Variants in PLD1 observed in about 807,000 individuals in gnomAD.
PLD1 encodes the protein choline phosphatase 1.
PLD1 carries 112 observed loss-of-function variants against 137.1 expected under a neutral mutation model. The observed-to-expected ratio is 0.82, with a 90% CI of 0.70 to 0.96. The LOEUF (loss-of-function observed/expected upper bound fraction) is 0.96. PLD1 is among the 40% of genes least tolerant of loss of function. PLD1 has a pLI of 0.00. For missense variants in PLD1, 1,321 were observed against 1,342.0 expected (o/e 0.98, Z 0.24); for synonymous variants, 431 against 454.7 (o/e 0.95, Z 0.66).
chr3:171,674,789 C>T (rs548058712), intron 18 of PLD1, among the ~76,000 whole-genome samples, 176 bp from the exon 19 acceptor site: 1 of 151,862 alleles, frequency 6.6e-6, no homozygotes, highest in South Asian at 2.1e-4. Flanking sequence ...ATCAGCCTGG[C>T]CAACACGGTG....
At chr3:171,623,138 C>T (rs73038051) in intron 23 of PLD1, among the ~76,000 whole-genome samples, 5,427 of 151,952 alleles carry the variant, frequency 0.036, 227 homozygotes, top group African/African-American at 0.1. Context: ...AATGTGATCT[C>T]ATTACATTAC....
chr3:171,634,557 T>C (rs1211237749), intron 23 of PLD1, among the ~76,000 whole-genome samples: 1 of 152,218 alleles, frequency 6.6e-6, no homozygotes, highest in Non-Finnish European at 1.5e-5. Context: ...TATTCATTAT[T>C]GGTGATGTAC....
Position 171,692,387 on chromosome 3 carries a change from C to G in PLD1, c.1283G>C (p.Gly428Ala). 6.2e-7 allele frequency: 1 copy of G among 1,606,988 alleles called. No homozygotes were observed. The highest frequency in any genetic ancestry group is 2.2e-5 in the East Asian group (1 of 44,846). Residue 428 changes from glycine to alanine, a missense_variant, in exon 13 of 27, where the codon GGC becomes GCC. Physicochemically the swap from Gly to Ala is moderately conservative, Grantham distance 60. Coordinates refer to ENST00000351298, the MANE Select transcript of PLD1 (RefSeq NM_002662.5). ...CCTCTTGGTGTATTCACTATTGATG[C>G]CAAGAGCGAGTTCCACCTCTTTGTA... ...MLYKEVELAL[G>A]INSEYTKRTL...
chr3:171,688,768 C>T lies in PLD1; in HGVS notation c.1447G>A (p.Ala483Thr), dbSNP rs1714828958. The T allele has an allele frequency of 6.2e-7, 1 of 1,613,978 alleles. No homozygotes were observed. The stretch of plus-strand genomic sequence containing the variant: ...TCATTGTCGTCCCACCTTCCATAGG[C>T]CAGGTCAATCCCTCCCACAAAGGCC... ...SVAFVGGIDL[A>T]YGRWDDNEHR... is the part of the protein sequence containing the mutation. The change falls in exon 14 of 27, where the codon GCC becomes ACC. Residue 483 changes from alanine (A) to threonine (T), a missense_variant. Physicochemically the swap from Ala to Thr is moderately conservative, Grantham distance 58. Transcript: ENST00000351298.
chr3:171,651,168 C>T (rs925967323), intron 21 of PLD1, among the ~76,000 whole-genome samples: 3 of 152,138 alleles, frequency 2.0e-5, no homozygotes, highest in African/African-American at 4.8e-5. Flanking sequence ...TGATATGCTT[C>T]GCTAGTGACA....
chr3:171,686,947 G>T, intron 15 of PLD1, 149 bp from the exon 16 acceptor site: 1 of 522,108 alleles, frequency 1.9e-6, no homozygotes, highest in Non-Finnish European at 3.4e-6. Flanking sequence ...CTTTAAGATG[G>T]ATTTCAAAGG....
At chr3:171,795,517 G>A (rs1363819524) in intron 1 of PLD1, among the ~76,000 whole-genome samples, 2 of 152,022 alleles carry the variant, frequency 1.3e-5, no homozygotes, top group Non-Finnish European at 2.9e-5. Flanking sequence ...CTGCTCCCTG[G>A]ATGCCATTCC....
chr3:171,793,405 T>C (rs1424467677), intron 1 of PLD1: 1 of 152,220 alleles, frequency 6.6e-6, no homozygotes, highest in Non-Finnish European at 1.5e-5. Flanking sequence ...AAGTTCTCCA[T>C]TTATCACTTC....
chr3:171,744,525 T>C lies in PLD1; in HGVS notation c.-31-6443A>G, dbSNP rs576416872. Among the ~76,000 whole-genome samples, 4 of 152,266 alleles carry C rather than the reference T, an allele frequency of 2.6e-5. No homozygotes were observed. In the Middle Eastern group the frequency reaches 0.014, roughly 518 times the overall value. ...AATCTTCCACTTACTTATCCTTCTCTCCTGGTTTTATATCACACCCTCCAC... is the reference window on the plus strand; with the variant it reads ...AATCTTCCACTTACTTATCCTTCTCCCCTGGTTTTATATCACACCCTCCAC... On this transcript the variant is annotated intron_variant, in intron 1 of 26. Coordinates refer to ENST00000351298, the MANE Select transcript of PLD1 (RefSeq NM_002662.5).
At chr3:171,752,002 CAAAA>C (rs201612180) in intron 1 of PLD1, among the ~76,000 whole-genome samples, 1 of 78,256 alleles carries the variant, frequency 1.3e-5, no homozygotes, top group Non-Finnish European at 2.7e-5. Context: ...GACTCCGTCT[CAAAA>C]AAAAAAAAAA....
intron 22 of PLD1, 21 bp downstream of exon 22, chr3:171,644,889 G>A: frequency 7.0e-7 from 1 of 1,433,834 alleles, no homozygotes; most frequent in Non-Finnish European, 9.8e-7. Flanking sequence ...GCTCAAAATA[G>A]ACCATTTAGA....
intron 1 of PLD1, among the ~76,000 whole-genome samples, chr3:171,765,732 T>C (rs1252737636): frequency 6.6e-6 from 1 of 152,208 alleles, no homozygotes; most frequent in African/African-American, 2.4e-5. Flanking sequence ...GTCTTCAGCA[T>C]TCCAGTCAAA....
intron 25 of PLD1, 23 bp from the exon 26 acceptor site, chr3:171,605,439 AT>A (rs1190086162): frequency 1.5e-6 from 2 of 1,330,766 alleles, no homozygotes; most frequent in Non-Finnish European, 2.2e-6. Flanking sequence ...TGACCTCCAC[AT>A]TGAGTAACTG....
intron 11 of PLD1, among the ~76,000 whole-genome samples, chr3:171,702,099 C>T (rs189744932): frequency 1.3e-5 from 2 of 151,992 alleles, no homozygotes; most frequent in East Asian, 3.9e-4. Flanking sequence ...AAATACAAAC[C>T]TGAAAAAATA....
chr3:171,680,189 T>C (rs1713819295), intron 16 of PLD1, among the ~76,000 whole-genome samples: 1 of 148,612 alleles, frequency 6.7e-6, no homozygotes, highest in Admixed American at 6.7e-5. Context: ...TAGCTCCTCC[T>C]CACTAACAAG....
intron 1 of PLD1, among the ~76,000 whole-genome samples, chr3:171,746,049 G>T (rs140893559): frequency 6.6e-6 from 1 of 152,180 alleles, no homozygotes; most frequent in Non-Finnish European, 1.5e-5. Flanking sequence ...CGGAGGGTAC[G>T]CCGGGTCCCC....
At chr3:171,617,379 T>TC (rs1324718925) in intron 24 of PLD1, among the ~76,000 whole-genome samples, 1 of 152,138 alleles carries the variant, frequency 6.6e-6, no homozygotes, top group Admixed American at 6.5e-5. Context: ...CCCTGAACCT[T>TC]CTTGTTCTGG....
At position 171,670,504 on chromosome 3, in the gene PLD1, A is replaced by C. The variant is rs529841952; in HGVS notation, c.2229+3996T>G. Reference sequence around the variant, plus strand: ...AATTCATTCCCTACTTACAGCCTTAACTCCAGCCAGTCTGTAGGAGATTTT... The same window carrying C: ...AATTCATTCCCTACTTACAGCCTTACCTCCAGCCAGTCTGTAGGAGATTTT... On this transcript the variant is annotated intron_variant, in intron 19 of 26. Transcript: ENST00000351298. Among the ~76,000 whole-genome samples the C allele has an allele frequency of 6.6e-5, 10 of 152,294 alleles. No individual in the cohort carries two copies. In the East Asian group the frequency reaches 1.9e-3, roughly 29 times the overall value.
intron 21 of PLD1, among the ~76,000 whole-genome samples, chr3:171,656,643 C>T (rs1578202292): frequency 1.3e-5 from 2 of 152,314 alleles, no homozygotes; most frequent in African/African-American, 4.8e-5. Flanking sequence ...GTGAGTCAAG[C>T]TCTCTGTAAT....
Sources: gnomAD v4.1 joint callset for allele counts (sites outside exome capture counted in the v4.1 genomes callset) on GRCh38, gnomAD v4.1.1 for gene constraint, MANE v1.5 for transcripts, NCBI Gene and HGNC (gene_info 2026-07-23, HGNC 2026-07-21) for gene names.